The following DPY19L1 variants were observed in gnomAD, a reference collection of about 807,000 sequenced individuals.
The protein encoded by DPY19L1 is protein C-mannosyl-transferase DPY19L1.
A neutral mutation model predicts 96.9 loss-of-function variants in DPY19L1; 35 were observed. The ratio of observed to expected loss-of-function variants is 0.36; its 90% confidence interval spans 0.28 to 0.48. The LOEUF (loss-of-function observed/expected upper bound fraction) is 0.48, where lower values mean the gene tolerates loss of function less well. Among genes scored for constraint, DPY19L1 ranks in the 20% least tolerant of loss-of-function variants. The pLI is 0.99. For missense variants in DPY19L1, 521 were observed against 777.9 expected, an observed-to-expected ratio of 0.67 and a Z score of 3.93; for synonymous variants, 205 against 252.6, an observed-to-expected ratio of 0.81 and a Z score of 1.79.
chr7:34,987,540 TAA>T (rs1423182199), intron 7 of DPY19L1, among the ~76,000 whole-genome samples: 1 of 152,062 alleles, frequency 6.6e-6, no homozygotes, highest in Non-Finnish European at 1.5e-5. Context: ...GCAAACTACA[TAA>T]TGGAAATAGA....
chr7:35,020,119 C>G (rs1268192002), intron 1 of DPY19L1, among the ~76,000 whole-genome samples: 1 of 152,168 alleles, frequency 6.6e-6, no homozygotes, highest in Non-Finnish European at 1.5e-5. Context: ...GATGACACAA[C>G]AAGACCCTGT....
At chr7:34,984,421 G>A (rs1785004742) in intron 7 of DPY19L1, among the ~76,000 whole-genome samples, 1 of 152,196 alleles carries the variant, frequency 6.6e-6, no homozygotes, top group Admixed American at 6.5e-5. Context: ...ACAGAAGAAA[G>A]AAGGGCCAAT....
intron 3 of DPY19L1, among the ~76,000 whole-genome samples, chr7:35,014,337 G>C (rs1289054498): frequency 6.6e-6 from 1 of 151,964 alleles, no homozygotes; most frequent in South Asian, 2.1e-4. Context: ...GAAGAAAAGA[G>C]ACAGTTTTTA....
chr7:35,019,639 A>G (rs1785946860), intron 1 of DPY19L1, among the ~76,000 whole-genome samples: 1 of 152,178 alleles, frequency 6.6e-6, no homozygotes, highest in Non-Finnish European at 1.5e-5. Flanking sequence ...AGAAAAATGA[A>G]AACCAAATAG....
chr7:34,989,504 T>C (rs1338185485), intron 7 of DPY19L1, among the ~76,000 whole-genome samples: 1 of 152,006 alleles, frequency 6.6e-6, no homozygotes, highest in Non-Finnish European at 1.5e-5. Flanking sequence ...TAGTCCCAGC[T>C]ACTCTGGAAG....
intron 1 of DPY19L1, among the ~76,000 whole-genome samples, chr7:35,030,422 T>C (rs1206985077): frequency 6.6e-6 from 1 of 152,250 alleles, no homozygotes; most frequent in Non-Finnish European, 1.5e-5. Context: ...AGTGCTACTG[T>C]AAACTAGTAG....
intron 21 of DPY19L1, among the ~76,000 whole-genome samples, chr7:34,933,967 C>T (rs1783811350): frequency 6.6e-6 from 1 of 152,020 alleles, no homozygotes; most frequent in Admixed American, 6.6e-5. Context: ...ATACATCTAT[C>T]CTTTTTTTAT....
intron 6 of DPY19L1, among the ~76,000 whole-genome samples, chr7:34,995,266 T>A (rs1023133816): frequency 7.9e-5 from 12 of 152,134 alleles, no homozygotes; most frequent in African/African-American, 2.9e-4. Context: ...CTAAAATTTT[T>A]AAATTTTTCT....
chr7:34,933,248 G>A (rs1320270174), intron 21 of DPY19L1, among the ~76,000 whole-genome samples: 3 of 152,174 alleles, frequency 2.0e-5, no homozygotes, highest in Non-Finnish European at 4.4e-5. Context: ...CACCACCAGA[G>A]CAGTGTAAAG....
chr7:34,939,378 G>A lies in DPY19L1; in HGVS notation c.1865-3C>T. On this transcript the variant is annotated splice_region_variant and splice_polypyrimidine_tract_variant and intron_variant, in intron 19 of 21. Coordinates refer to ENST00000638088, the MANE Select transcript of DPY19L1 (RefSeq NM_001366673.1). ...CATGGCACCCGCAAACACTGCATCT[G>A]GAAGGCAAGAGGAATGTCTCAGGAA... The A allele has an allele frequency of 1.2e-6, 2 of 1,613,672 alleles. No individual in the cohort carries two copies. Among genetic ancestry groups the A allele is most frequent in the Non-Finnish European group, 1.7e-6 (2 of 1,179,702 alleles).
chr7:34,994,091 T>C (rs1169401892), intron 6 of DPY19L1, among the ~76,000 whole-genome samples: 1 of 152,030 alleles, frequency 6.6e-6, no homozygotes, highest in Non-Finnish European at 1.5e-5. Context: ...GGACAACCAA[T>C]GTAAGAGTCA....
chr7:34,973,010 A>C (rs994028722), intron 8 of DPY19L1, among the ~76,000 whole-genome samples: 4 of 152,206 alleles, frequency 2.6e-5, no homozygotes, highest in Non-Finnish European at 5.9e-5. Context: ...AGTCATCTTC[A>C]GATTTTTATC....
intron 15 of DPY19L1, among the ~76,000 whole-genome samples, chr7:34,947,364 A>G (rs1438219227): frequency 2.6e-5 from 4 of 152,208 alleles, no homozygotes; most frequent in Admixed American, 2.0e-4. Flanking sequence ...ATCTGGGTCA[A>G]TATGGTCTCT....
intron 11 of DPY19L1, among the ~76,000 whole-genome samples, chr7:34,957,192 G>T (rs931787578): frequency 5.9e-5 from 9 of 151,824 alleles, no homozygotes; most frequent in Admixed American, 5.3e-4. Context: ...AGACCAGCCT[G>T]ACCAACATGG....
chr7:34,935,128 G>A (rs1029062879), intron 21 of DPY19L1, among the ~76,000 whole-genome samples: 5 of 152,098 alleles, frequency 3.3e-5, no homozygotes, highest in African/African-American at 9.7e-5. Context: ...TCTCATACAC[G>A]TCAAGGCTGA....
intron 15 of DPY19L1, among the ~76,000 whole-genome samples, chr7:34,946,901 C>A (rs2128783410): frequency 6.6e-6 from 1 of 152,238 alleles, no homozygotes; most frequent in South Asian, 2.1e-4. Context: ...AAGCAGAGTA[C>A]AAATATATAA....
At chr7:34,942,509 T>C (rs180957638) in intron 17 of DPY19L1, 106 bp downstream of exon 17, 18 of 865,830 alleles carry the variant, frequency 2.1e-5, no homozygotes, top group Non-Finnish European at 3.2e-5. Context: ...ATTTTCAAGA[T>C]GATTGCTGAC....
intron 11 of DPY19L1, 36 bp downstream of exon 11, chr7:34,957,948 T>C: frequency 7.2e-7 from 1 of 1,397,950 alleles, no homozygotes; most frequent in Non-Finnish European, 9.9e-7. Flanking sequence ...ACCATTAGTT[T>C]CAAAAACAGC....
chr7:35,011,920 C>T, intron 4 of DPY19L1, among the ~76,000 whole-genome samples: 1 of 152,338 alleles, frequency 6.6e-6, no homozygotes, highest in East Asian at 1.9e-4. Flanking sequence ...AGTCTTACCA[C>T]TTTTAATAAT....
Sources: gnomAD v4.1 joint callset for allele counts (sites outside exome capture counted in the v4.1 genomes callset) on GRCh38, gnomAD v4.1.1 for gene constraint, MANE v1.5 for transcripts, NCBI Gene and HGNC (gene_info 2026-07-23, HGNC 2026-07-21) for gene names.